DLG2: variants seen among roughly 807,000 people sequenced by gnomAD.
DLG2 encodes the protein disks large homolog 2.
In DLG2, 45 loss-of-function variants were observed where a neutral mutation model predicts 132.5. The observed-to-expected ratio is 0.34, with a 90% CI of 0.27 to 0.44. The LOEUF (loss-of-function observed/expected upper bound fraction) is 0.44, where lower values mean the gene tolerates loss of function less well. DLG2 is among the 20% of genes least tolerant of loss of function. The probability of loss-of-function intolerance (pLI) is 1.00; values close to 1 mark genes in which losing one functional copy is unlikely to be tolerated. For missense variants in DLG2, 1,045 were observed against 1,196.9 expected (o/e 0.87, Z 1.87); for synonymous variants, 424 against 419.6 (o/e 1.01, Z -0.13).
At position 84,714,595 on chromosome 11, in the gene DLG2, T is replaced by TTCTCTTTCTCTC. The variant is rs1351118874; in HGVS notation, c.358-179865_358-179864insGAGAGAAAGAGA. Among the ~76,000 whole-genome samples, 6 of 103,916 alleles carry TTCTCTTTCTCTC rather than the reference T, an allele frequency of 5.8e-5. No individual in the cohort carries two copies. In the South Asian group the frequency reaches 2.3e-3, roughly 39 times the overall value. 68.2% of individuals were successfully genotyped at this position (103,916 alleles called of 152,430 possible). On this transcript the variant is annotated intron_variant, in intron 6 of 27. Transcript: ENST00000376104. ...TTTCTCTTTCTCTTTCTCTTTCTCT[T>TTCTCTTTCTCTC]TCTTTCTCTTTCTCTTTCTCTTTCT...
chr11:83,481,481 TATATAAA>T (rs1157313123), intron 22 of DLG2, among the ~76,000 whole-genome samples: 2 of 152,102 alleles, frequency 1.3e-5, no homozygotes, highest in Admixed American at 1.3e-4. Flanking sequence ...AGAAAAATAA[TATATAAA>T]ATTATTCTCT....
chr11:85,574,649 AG>A (rs1220870666), intron 3 of DLG2, among the ~76,000 whole-genome samples: 4 of 152,192 alleles, frequency 2.6e-5, no homozygotes, highest in African/African-American at 9.6e-5. Context: ...TGTGGTAATG[AG>A]TTACTGCAAG....
intron 4 of DLG2, among the ~76,000 whole-genome samples, chr11:85,267,206 C>T (rs1281732433): frequency 2.0e-5 from 3 of 152,152 alleles, no homozygotes; most frequent in East Asian, 1.9e-4. Flanking sequence ...TACTTTCTCC[C>T]GCTCTGTTCT....
intron 6 of DLG2, among the ~76,000 whole-genome samples, chr11:84,541,625 A>C (rs186787206): frequency 2.0e-5 from 3 of 152,266 alleles, no homozygotes; most frequent in Middle Eastern, 3.4e-3. Flanking sequence ...GCAGAGGTAG[A>C]GTCATGTTCA....
Position 84,386,760 on chromosome 11 carries a change from T to C in DLG2, c.520-135469A>G, listed in dbSNP as rs1490854374. ...GAATGTTTCTCACATCGAGGTCAAA[T>C]AGATTTTTTTCCTTCACAAACCATG... On this transcript the variant is annotated intron_variant, in intron 7 of 27. Transcript: ENST00000376104. Among the ~76,000 whole-genome samples the C allele has an allele frequency of 2.6e-5, 4 of 152,104 alleles. 1 individual carries two copies. Among genetic ancestry groups the C allele is most frequent in the South Asian group, 4.1e-4 (2 of 4,826 alleles).
intron 7 of DLG2, among the ~76,000 whole-genome samples, chr11:84,344,350 G>T (rs1056867069): frequency 2.4e-4 from 36 of 152,248 alleles, no homozygotes; most frequent in African/African-American, 8.2e-4. Context: ...TTTTGGAAAG[G>T]TTCAATAAAT....
chr11:85,307,572 C>A (rs182118015), intron 3 of DLG2, among the ~76,000 whole-genome samples: 20 of 152,284 alleles, frequency 1.3e-4, no homozygotes, highest in African/African-American at 4.8e-4. Context: ...TTTCTCTAAA[C>A]CACGATGATC....
intron 6 of DLG2, among the ~76,000 whole-genome samples, chr11:84,806,063 A>G (rs562498830): frequency 6.6e-6 from 1 of 152,308 alleles, no homozygotes; most frequent in Admixed American, 6.5e-5. Flanking sequence ...AACTCCATGG[A>G]TGGGTTCTGT....
chr11:85,259,623 G>A (rs186480617), intron 4 of DLG2, among the ~76,000 whole-genome samples: 30 of 151,606 alleles, frequency 2.0e-4, no homozygotes, highest in African/African-American at 6.5e-4. Context: ...AGCTACTTAG[G>A]TCCCAGCTCT....
chr11:83,539,267 C>T (rs1332423014), intron 20 of DLG2, among the ~76,000 whole-genome samples: 1 of 152,036 alleles, frequency 6.6e-6, no homozygotes, highest in Non-Finnish European at 1.5e-5. Context: ...GATTAAATGA[C>T]ATTATCAATA....
In DLG2 at chr11:83,770,265, G is replaced by GTTTTTTTTTTTTTTTTTTTTTTTTT. The variant is rs71066064; in HGVS notation, c.1825+16424_1825+16425insAAAAAAAAAAAAAAAAAAAAAAAAA. ...CTCGTGGTGTCTGGTGTTTTTTTTT[G>GTTTTTTTTTTTTTTTTTTTTTTTTT]TTTTTTTGCTTTTTGTACAAAGATT... On this transcript the variant is annotated intron_variant, in intron 18 of 27. Transcript: ENST00000376104. 4.7e-4 allele frequency among the ~76,000 whole-genome samples: 60 copies of GTTTTTTTTTTTTTTTTTTTTTTTTT among 128,712 alleles called. 5 individuals carry two copies. The highest frequency in any genetic ancestry group is 7.8e-4 in the South Asian group (3 of 3,860). The allele number at this position is 128,712 out of a possible 152,430, so 84.4% of individuals were successfully genotyped here.
chr11:83,722,445 T>C (rs140539187), intron 18 of DLG2, among the ~76,000 whole-genome samples: 1 of 152,248 alleles, frequency 6.6e-6, no homozygotes, highest in African/African-American at 2.4e-5. Context: ...GAAGTAAATT[T>C]GGTAGGGGAT....
At chr11:84,132,250 A>C (rs1201863326) in intron 9 of DLG2, among the ~76,000 whole-genome samples, 2 of 152,002 alleles carry the variant, frequency 1.3e-5, no homozygotes, top group Non-Finnish European at 2.9e-5. Context: ...AAAAATGTTC[A>C]GTTTCACATT....
At chr11:83,831,271 G>T (rs1210198877) in intron 17 of DLG2, among the ~76,000 whole-genome samples, 1 of 152,180 alleles carries the variant, frequency 6.6e-6, no homozygotes, top group Non-Finnish European at 1.5e-5. Flanking sequence ...GAAGAAGTAG[G>T]TAAGGGAAGT....
chr11:83,708,969 T>A (rs2084711455), intron 18 of DLG2, among the ~76,000 whole-genome samples: 1 of 152,186 alleles, frequency 6.6e-6, no homozygotes, highest in Non-Finnish European at 1.5e-5. Context: ...GTCTCTAGTA[T>A]GAGGCTGCTG....
chr11:84,153,490 T>C (rs1480820280), intron 9 of DLG2, among the ~76,000 whole-genome samples: 1 of 152,168 alleles, frequency 6.6e-6, no homozygotes, highest in Non-Finnish European at 1.5e-5. Context: ...TGGGTTGTAG[T>C]TTAGTTCTCC....
At chr11:85,111,846 G>A in intron 5 of DLG2, 111 bp from the exon 6 acceptor site, 1 of 754,742 alleles carries the variant, frequency 1.3e-6, no homozygotes, top group Non-Finnish European at 2.0e-6. Flanking sequence ...TATAATCATA[G>A]AGAGAGAATG....
intron 6 of DLG2, among the ~76,000 whole-genome samples, chr11:84,716,971 G>A (rs753676561): frequency 2.8e-4 from 43 of 151,956 alleles, no homozygotes; most frequent in African/African-American, 6.0e-4. Flanking sequence ...GTCATAAGTC[G>A]TATAGTCAGT....
chr11:85,391,616 T>C (rs1183280528), intron 3 of DLG2, among the ~76,000 whole-genome samples: 3 of 152,190 alleles, frequency 2.0e-5, no homozygotes, highest in African/African-American at 7.2e-5. Context: ...ATACCAGAGA[T>C]GCTGGGATGG....
Sources: allele counts gnomAD v4.1 joint callset (sites outside exome capture counted in the v4.1 genomes callset), GRCh38; gene constraint gnomAD v4.1.1; transcripts MANE v1.5; gene names NCBI Gene and HGNC (gene_info 2026-07-23, HGNC 2026-07-21).